The following ASAP1 variants were observed in gnomAD, a reference collection of about 807,000 sequenced individuals.
ASAP1 encodes ArfGAP with SH3 domain, ankyrin repeat and PH domain 1.
A neutral mutation model predicts 145.2 loss-of-function variants in ASAP1; 43 were observed. That is an observed-to-expected ratio of 0.30 (90% CI 0.23 to 0.38). The LOEUF is 0.38. Ranked by LOEUF, ASAP1 falls within the 10% of genes least tolerant of loss-of-function variation. ASAP1 has a pLI of 1.00. For synonymous variants in ASAP1, 546 were observed against 515.5 expected (o/e 1.06, Z -0.80); for missense variants, 1,018 against 1,355.3 (o/e 0.75, Z 3.91).
rs142071958 is a variant in ASAP1 at position 130,218,824 on chromosome 8, C to T, written c.260-4123G>A. On this transcript the variant is annotated intron_variant, in intron 4 of 29. Transcript: ENST00000518721. The stretch of plus-strand genomic sequence containing the variant: ...CCTGTATGTTTTGCTAATTCCACAG[C>T]TGAATAACCATGTAGTCTCTTTCCA... Among the ~76,000 whole-genome samples the T allele has an allele frequency of 6.5e-4, 98 of 151,354 alleles. No individual in the cohort carries two copies. The East Asian group carries it at 0.014, about 22-fold the overall frequency.
intron 27 of ASAP1, among the ~76,000 whole-genome samples, chr8:130,064,790 CT>C (rs1203010805): frequency 1.3e-5 from 2 of 152,138 alleles, no homozygotes; most frequent in African/African-American, 4.8e-5. Context: ...GACCAGTTGG[CT>C]TCAACTGGGG....
At chr8:130,285,833 G>A (rs538546397) in intron 3 of ASAP1, among the ~76,000 whole-genome samples, 1 of 152,298 alleles carries the variant, frequency 6.6e-6, no homozygotes, top group South Asian at 2.1e-4. Flanking sequence ...ACTTTATCAC[G>A]TTCTGTTCCT....
At chr8:130,312,846 G>A (rs947154109) in intron 3 of ASAP1, among the ~76,000 whole-genome samples, 13 of 152,138 alleles carry the variant, frequency 8.5e-5, no homozygotes, top group Non-Finnish European at 1.8e-4. Flanking sequence ...TTCTGGATTT[G>A]GTTTTGCCAA....
intron 4 of ASAP1, among the ~76,000 whole-genome samples, chr8:130,223,514 T>C (rs1450661766): frequency 6.6e-6 from 1 of 152,224 alleles, no homozygotes; most frequent in East Asian, 1.9e-4. Flanking sequence ...TTTTGGAGGA[T>C]TCCAGGATAT....
At chr8:130,373,428 T>C (rs571384075) in intron 2 of ASAP1, among the ~76,000 whole-genome samples, 35 of 152,300 alleles carry the variant, frequency 2.3e-4, no homozygotes, top group Non-Finnish European at 3.7e-4. Context: ...GAGGAAAATG[T>C]ACCACCACAA....
At position 130,178,071 on chromosome 8, in the gene ASAP1, C is replaced by T. The variant is rs545754934; in HGVS notation, c.746+1193G>A. Among the ~76,000 whole-genome samples, 16 of 152,294 alleles carry T rather than the reference C, an allele frequency of 1.1e-4. No homozygotes were observed. The South Asian group carries it at 3.1e-3, about 30-fold the overall frequency. Reference sequence around the variant, plus strand: ...TTGTGCTTTTGACATAATATTAATGCTGACCTCCTTAAATGTTTCAGTTGA... The same window carrying T: ...TTGTGCTTTTGACATAATATTAATGTTGACCTCCTTAAATGTTTCAGTTGA... On this transcript the variant is annotated intron_variant, in intron 9 of 29. Coordinates refer to ENST00000518721, the MANE Select transcript of ASAP1 (RefSeq NM_018482.4).
At chr8:130,364,078 A>G (rs1826839768) in intron 2 of ASAP1, among the ~76,000 whole-genome samples, 1 of 152,210 alleles carries the variant, frequency 6.6e-6, no homozygotes, top group Admixed American at 6.5e-5. Context: ...AAAAAAGCCA[A>G]TTCTAGTCCC....
At chr8:130,435,562 G>A (rs573092365) in intron 1 of ASAP1, among the ~76,000 whole-genome samples, 1 of 152,156 alleles carries the variant, frequency 6.6e-6, no homozygotes, top group South Asian at 2.1e-4. Context: ...CTCCAAAAAG[G>A]CAATTTTTAC....
intron 11 of ASAP1, among the ~76,000 whole-genome samples, chr8:130,163,608 C>T (rs2097674035): frequency 1.3e-5 from 2 of 152,082 alleles, no homozygotes; most frequent in South Asian, 4.1e-4. Flanking sequence ...GAAATGATGG[C>T]CATTCAGCTT....
intron 25 of ASAP1, among the ~76,000 whole-genome samples, chr8:130,090,632 G>A (rs374541758): frequency 3.3e-4 from 50 of 152,280 alleles, no homozygotes; most frequent in African/African-American, 1.2e-3. Flanking sequence ...TGTCTATCCT[G>A]ATAGTAAAGA....
chr8:130,437,104 CA>C (rs56207589), intron 1 of ASAP1, among the ~76,000 whole-genome samples: 13,431 of 89,328 alleles, frequency 0.15, 719 homozygotes, highest in African/African-American at 0.25. Context: ...GATTTCATCT[CA>C]AAAAAAAAAA....
At chr8:130,434,531 T>C (rs1270719875) in intron 1 of ASAP1, among the ~76,000 whole-genome samples, 2 of 152,088 alleles carry the variant, frequency 1.3e-5, no homozygotes, top group East Asian at 1.9e-4. Context: ...TAACGAGCAA[T>C]ACATAATAGC....
rs58907739 is a variant in ASAP1 at position 130,072,831 on chromosome 8, G to GCGCGCGCGCGCGCGC, written c.2701+3516_2701+3517insGCGCGCGCGCGCGCG. On this transcript the variant is annotated intron_variant, in intron 27 of 29. Transcript: ENST00000518721. Reference sequence around the variant, plus strand: ...TGTGTGTGTGTGTGTGTGTGCGCGCGGGGGGGGGCAGTTTTGGGGACTGAG... The same window carrying GCGCGCGCGCGCGCGC: ...TGTGTGTGTGTGTGTGTGTGCGCGCGCGCGCGCGCGCGCGCGGGGGGGGCAGTTTTGGGGACTGAG... Among the ~76,000 whole-genome samples the GCGCGCGCGCGCGCGC allele has an allele frequency of 5.9e-3, 658 of 110,716 alleles. 27 individuals carry two copies. The highest frequency in any genetic ancestry group is 0.021 in the African/African-American group (578 of 27,892). 72.6% of individuals were successfully genotyped at this position (110,716 alleles called of 152,430 possible).
intron 3 of ASAP1, among the ~76,000 whole-genome samples, chr8:130,262,419 AGAGAGAGAGAGAG>A (rs1819981111): frequency 1.4e-4 from 4 of 29,538 alleles, no homozygotes; most frequent in African/African-American, 3.5e-4. Context: ...AAAAAAAAAG[AGAGAGAGAGAGAG>A]AGAGAGAGAG....
In ASAP1 at chr8:130,112,241, C is replaced by A; in HGVS notation, c.2254G>T (p.Ala752Ser). The change falls in exon 24 of 30, where the codon GCA (alanine) becomes TCA (serine). Residue 752 changes from alanine to serine, a missense_variant. Physicochemically the swap from Ala to Ser is moderately conservative, Grantham distance 99. This residue lies in a region of ASAP1 where 353 missense variants were observed against 375.4 expected (regional missense o/e 0.94). Transcript: ENST00000518721. ...CTTGGAGTGCTGAATCCTGGCAGTGCCAGCTTGTCCTGGGGGGAGATGCTG... is the reference window on the plus strand; with the variant it reads ...CTTGGAGTGCTGAATCCTGGCAGTGACAGCTTGTCCTGGGGGGAGATGCTG... ...SSSISPQDKL[A>S]LPGFSTPRDK... 1 of 1,614,174 alleles carries A rather than the reference C, an allele frequency of 6.2e-7. No individual in the cohort carries two copies. Among genetic ancestry groups the A allele is most frequent in the East Asian group, 2.2e-5 (1 of 44,884 alleles).
intron 11 of ASAP1, among the ~76,000 whole-genome samples, chr8:130,165,741 C>CA (rs1478122187): frequency 6.6e-6 from 1 of 152,124 alleles, no homozygotes; most frequent in Non-Finnish European, 1.5e-5. Context: ...CTCACTTGAC[C>CA]AATCCCCAGT....
intron 2 of ASAP1, among the ~76,000 whole-genome samples, chr8:130,379,268 C>T (rs904929209): frequency 5.6e-4 from 86 of 152,264 alleles, no homozygotes; most frequent in African/African-American, 1.9e-3. Flanking sequence ...GCCCTAGCAT[C>T]GCTTCTATTG....
intron 2 of ASAP1, among the ~76,000 whole-genome samples, chr8:130,385,067 G>A (rs1827949449): frequency 6.6e-6 from 1 of 152,168 alleles, no homozygotes; most frequent in Non-Finnish European, 1.5e-5. Flanking sequence ...GCTACAAGAG[G>A]GGAATGGGAA....
intron 3 of ASAP1, among the ~76,000 whole-genome samples, chr8:130,292,084 T>C (rs1821980153): frequency 6.6e-6 from 1 of 152,196 alleles, no homozygotes; most frequent in African/African-American, 2.4e-5. Flanking sequence ...TTTTATTTCC[T>C]ACCCTTTAGC....
Sources: allele counts gnomAD v4.1 joint callset (sites outside exome capture counted in the v4.1 genomes callset), GRCh38; gene constraint gnomAD v4.1.1; regional missense constraint gnomAD v4.1.1; transcripts MANE v1.5; gene names NCBI Gene and HGNC (gene_info 2026-07-23, HGNC 2026-07-21).